Variants in IQCB1 observed in about 807,000 individuals in gnomAD.
IQCB1 encodes the protein IQ motif containing B1, also known as IQ calmodulin-binding motif-containing protein 1.
In IQCB1, 56 loss-of-function variants were observed where a neutral mutation model predicts 84.4. That is an observed-to-expected ratio of 0.66 (90% CI 0.54 to 0.83). The LOEUF is 0.83. Among genes scored for constraint, IQCB1 ranks in the 40% least tolerant of loss-of-function variants. The probability of loss-of-function intolerance (pLI) is 0.00; values close to 1 mark genes in which losing one functional copy is unlikely to be tolerated. For missense variants in IQCB1, 629 were observed against 682.1 expected, an observed-to-expected ratio of 0.92 and a Z score of 0.87; for synonymous variants, 210 against 234.8, an observed-to-expected ratio of 0.89 and a Z score of 0.96.
intron 7 of IQCB1, among the ~76,000 whole-genome samples, chr3:121,803,857 A>G (rs2108582492): frequency 6.6e-6 from 1 of 152,316 alleles, no homozygotes; most frequent in East Asian, 1.9e-4. Context: ...CATTTCTGGT[A>G]GACAGCATAT....
At chr3:121,833,089 A>G (rs989915674) in intron 2 of IQCB1, among the ~76,000 whole-genome samples, 10 of 152,224 alleles carry the variant, frequency 6.6e-5, no homozygotes, top group African/African-American at 2.4e-4. Context: ...GGTAAGCTTC[A>G]TGAGGGCAAC....
rs994584180 is a variant in IQCB1, at chr3:121,835,052, T to A, written c.-188A>T. ...CCGCGGCCTTCCGGGGCAGCGTGCG[T>A]CGCGACGCGGGAAGGGGCCTGGAGG... On this transcript the variant is annotated 5_prime_UTR_variant, in exon 1 of 15. Transcript: ENST00000310864. The A allele has an allele frequency of 7.0e-6, 4 of 574,700 alleles. No homozygotes were observed. The highest frequency in any genetic ancestry group is 3.0e-5 in the Admixed American group (1 of 32,972). The allele number at this position is 574,700 out of a possible 1,614,324, so 35.6% of individuals were successfully genotyped here. A position where few individuals can be genotyped will look rare whatever the true frequency, so the allele number is the denominator to read the frequency against.
rs1482031301 is a variant in IQCB1 at position 121,826,163 on chromosome 3, A to C, written c.281T>G (p.Leu94Trp). Residue 94 changes from leucine to tryptophan, a missense_variant, in exon 5 of 15, where the codon TTG (leucine) becomes TGG (tryptophan). Physicochemically the swap from Leu to Trp is moderately conservative, Grantham distance 61. Transcript: ENST00000310864. ...TTCCTCTGCATCTTCTCCTGGCTCCAAGCCCACACAGCAATGGCTGAAATA... is the reference window on the plus strand; with the variant it reads ...TTCCTCTGCATCTTCTCCTGGCTCCCAGCCCACACAGCAATGGCTGAAATA... The part of the protein sequence containing the change: ...TQILSHCCVG[L>W]EPGEDAEEFY... 5.6e-6 allele frequency: 9 copies of C among 1,613,792 alleles called. No homozygotes were observed. Among genetic ancestry groups the C allele is most frequent in the Non-Finnish European group, 7.6e-6 (9 of 1,179,822 alleles).
At position 121,826,073 on chromosome 3, in the gene IQCB1, G is replaced by A; in HGVS notation, c.371C>T (p.Thr124Ile). The stretch of plus-strand genomic sequence containing the variant: ...TACCTTAGCTGCATTGATAAAACAT[G>A]TTTGTAATTGTCTCCCCAAAACTAG... Reference protein sequence around the residue: ...NFLVLGRQLQTCFINAAKAEE... With the variant: ...NFLVLGRQLQICFINAAKAEE... Residue 124 changes from threonine to isoleucine, a missense_variant, in exon 5 of 15, where the codon ACA becomes ATA. Physicochemically the swap from Thr to Ile is moderately conservative, Grantham distance 89. Transcript: ENST00000310864. 2 of 1,612,992 alleles carry A rather than the reference G, an allele frequency of 1.2e-6. No homozygotes were observed. Among genetic ancestry groups the A allele is most frequent in the Non-Finnish European group, 8.5e-7 (1 of 1,179,064 alleles).
chr3:121,827,664 G>A (rs7632786), intron 4 of IQCB1, among the ~76,000 whole-genome samples: 97,765 of 151,962 alleles, frequency 0.64, 31,949 homozygotes, highest in African/African-American at 0.72. Flanking sequence ...GTAACTGTGT[G>A]CTTTAAATTT....
Position 121,807,455 on chromosome 3 carries a change from G to GAA in IQCB1, c.488-14_488-13dup, listed in dbSNP as rs753164790. ...ATCACTTTGTAGTACTAAAGGAAAA[G>GAA]AAAAAAAAAGAAAGATTAAAGTAAA... is the stretch of plus-strand genomic sequence containing the variant. On this transcript the variant is annotated splice_polypyrimidine_tract_variant and intron_variant, in intron 6 of 14. Transcript: ENST00000310864. The GAA allele has an allele frequency of 3.4e-6, 4 of 1,181,956 alleles. No individual in the cohort carries two copies. Among genetic ancestry groups the GAA allele is most frequent in the East Asian group, 2.4e-5 (1 of 42,204 alleles). The allele number at this position is 1,181,956 out of a possible 1,614,324, so 73.2% of individuals were successfully genotyped here.
intron 7 of IQCB1, among the ~76,000 whole-genome samples, chr3:121,802,496 C>T (rs1021032542): frequency 2.6e-5 from 4 of 152,004 alleles, no homozygotes; most frequent in African/African-American, 9.7e-5. Context: ...TCTCTAATTC[C>T]TGAGATTGGT....
At chr3:121,808,245 C>T (rs1419175716) in intron 6 of IQCB1, among the ~76,000 whole-genome samples, 1 of 151,804 alleles carries the variant, frequency 6.6e-6, no homozygotes, top group Admixed American at 6.6e-5. Context: ...CTATTTGACT[C>T]TTTAAATTAT....
chr3:121,813,977 T>G (rs1191323023), intron 5 of IQCB1, among the ~76,000 whole-genome samples: 2 of 152,220 alleles, frequency 1.3e-5, no homozygotes, highest in East Asian at 3.8e-4. Flanking sequence ...TACATTCTTC[T>G]TAGCACCACA....
chr3:121,777,880 G>C (rs904701924), intron 13 of IQCB1, among the ~76,000 whole-genome samples: 1 of 149,210 alleles, frequency 6.7e-6, no homozygotes, highest in African/African-American at 2.5e-5. Flanking sequence ...TTGACCACTT[G>C]TATATACGTC....
rs2107476535 is a variant in IQCB1 at position 121,834,496 on chromosome 3, T to C, written c.-101-17A>G. 6.6e-6 allele frequency: 1 copy of C among 152,270 alleles called. No individual in the cohort carries two copies. The highest frequency in any genetic ancestry group is 2.4e-5 in the African/African-American group (1 of 41,558). 9.4% of individuals were successfully genotyped at this position (152,270 alleles called of 1,614,324 possible). A position where few individuals can be genotyped will look rare whatever the true frequency, so the allele number is the denominator to read the frequency against. On this transcript the variant is annotated splice_polypyrimidine_tract_variant and intron_variant, in intron 1 of 14. Coordinates refer to ENST00000310864, the MANE Select transcript of IQCB1 (RefSeq NM_001023570.4). Reference sequence around the variant, plus strand: ...CACGGATCACTGTGAGGAAAATAAATGAAAAGGAAATTCAGTGCGATCCTG... The same window carrying C: ...CACGGATCACTGTGAGGAAAATAAACGAAAAGGAAATTCAGTGCGATCCTG...
intron 13 of IQCB1, among the ~76,000 whole-genome samples, chr3:121,778,533 CTT>C (rs34279594): frequency 2.0e-5 from 3 of 148,676 alleles, no homozygotes; most frequent in Non-Finnish European, 4.5e-5. Flanking sequence ...CTGAAAAAGT[CTT>C]TTTTTTTTTA....
chr3:121,828,333 A>G lies in IQCB1; in HGVS notation c.263+137T>C, dbSNP rs1950524224. 11 of 721,430 alleles carry G rather than the reference A, an allele frequency of 1.5e-5. 1 individual carries two copies. The South Asian group carries it at 1.7e-4, about 11-fold the overall frequency. 44.7% of individuals were successfully genotyped at this position (721,430 alleles called of 1,614,324 possible). A position where few individuals can be genotyped will look rare whatever the true frequency, so the allele number is the denominator to read the frequency against. On this transcript the variant is annotated intron_variant, in intron 4 of 14. Transcript: ENST00000310864. ...AAAATTATGAATAATAACATATAAT[A>G]TGAAGGAAAAGTACAACCAAAACCT...
chr3:121,795,447 AT>A lies in IQCB1; in HGVS notation c.986+9del, dbSNP rs748456998. The A allele has an allele frequency of 3.3e-6, 5 of 1,497,632 alleles. No homozygotes were observed. Among genetic ancestry groups the A allele is most frequent in the Non-Finnish European group, 3.7e-6 (4 of 1,075,814 alleles). The allele number at this position is 1,497,632 out of a possible 1,614,324, so 92.8% of individuals were successfully genotyped here. ...CTATGATCATCAATCCCCTCACCAA[AT>A]TTTTTTACCTGAAACTCCTCTGCAA... On this transcript the variant is annotated intron_variant, in intron 10 of 14. Transcript: ENST00000310864.
intron 2 of IQCB1, among the ~76,000 whole-genome samples, chr3:121,832,228 A>T (rs941299418): frequency 1.2e-4 from 18 of 151,948 alleles, no homozygotes; most frequent in Admixed American, 9.8e-4. Flanking sequence ...CTTTTCATAC[A>T]TGGATAGGAA....
rs189161114 is a variant in IQCB1 at position 121,834,627 on chromosome 3, G to C, written c.-101-148C>G. The C allele has an allele frequency of 4.9e-3, 747 of 152,674 alleles. 10 individuals carry two copies. The highest frequency in any genetic ancestry group is 3.3e-3 in the Non-Finnish European group (227 of 68,358). 9.5% of individuals were successfully genotyped at this position (152,674 alleles called of 1,614,324 possible). A position where few individuals can be genotyped will look rare whatever the true frequency, so the allele number is the denominator to read the frequency against. On this transcript the variant is annotated intron_variant, in intron 1 of 14. Coordinates refer to ENST00000310864, the MANE Select transcript of IQCB1 (RefSeq NM_001023570.4). Reference sequence around the variant, plus strand: ...CTAGGACCACAAGAAACTTCCTCTGGTACAAAAAGGTCAGAAAACGATTAC... The same window carrying C: ...CTAGGACCACAAGAAACTTCCTCTGCTACAAAAAGGTCAGAAAACGATTAC...
At chr3:121,807,973 T>C (rs1278199708) in intron 6 of IQCB1, among the ~76,000 whole-genome samples, 1 of 152,016 alleles carries the variant, frequency 6.6e-6, no homozygotes, top group Non-Finnish European at 1.5e-5. Flanking sequence ...TGGATACTTA[T>C]ACAAGTTGCT....
intron 5 of IQCB1, among the ~76,000 whole-genome samples, chr3:121,825,045 G>C (rs1284832022): frequency 6.7e-6 from 1 of 148,404 alleles, no homozygotes; most frequent in Admixed American, 7.0e-5. Flanking sequence ...GCAAAACAAA[G>C]GTTTCTTTTT....
intron 8 of IQCB1, among the ~76,000 whole-genome samples, chr3:121,797,500 A>G (rs537702275): frequency 6.6e-6 from 1 of 151,776 alleles, no homozygotes; most frequent in South Asian, 2.1e-4. Flanking sequence ...AAAAAAAAAA[A>G]AAAGGAGTGG....
Sources: gnomAD v4.1 joint callset for allele counts (sites outside exome capture counted in the v4.1 genomes callset) on GRCh38, gnomAD v4.1.1 for gene constraint, MANE v1.5 for transcripts, NCBI Gene and HGNC (gene_info 2026-07-23, HGNC 2026-07-21) for gene names.